The following ZFHX4 variants were observed in gnomAD, a reference collection of about 807,000 sequenced individuals.
ZFHX4 encodes the protein zinc finger homeobox protein 4.
In ZFHX4, 56 loss-of-function variants were observed where a neutral mutation model predicts 267.6. That is an observed-to-expected ratio of 0.21 (90% confidence interval 0.17 to 0.26). The LOEUF is 0.26. Among genes scored for constraint, ZFHX4 ranks in the 10% least tolerant of loss-of-function variants. ZFHX4 has a pLI of 1.00. For missense variants in ZFHX4, 4,332 were observed against 4,420.0 expected, an observed-to-expected ratio of 0.98 and a Z score of 0.56; for synonymous variants, 1,778 against 1,665.6, an observed-to-expected ratio of 1.07 and a Z score of -1.64.
intron 3 of ZFHX4, among the ~76,000 whole-genome samples, chr8:76,760,469 C>T (rs1349391674): frequency 2.6e-5 from 4 of 152,082 alleles, no homozygotes; most frequent in Non-Finnish European, 5.9e-5. Flanking sequence ...GAGACAAATA[C>T]TTAAAATCAC....
chr8:76,787,667 G>A (rs1746706462), intron 4 of ZFHX4, among the ~76,000 whole-genome samples: 1 of 146,068 alleles, frequency 6.8e-6, no homozygotes, highest in South Asian at 2.2e-4. Context: ...AAAAAAATTA[G>A]CCGGGCATGG....
intron 1 of ZFHX4, among the ~76,000 whole-genome samples, chr8:76,699,389 GA>G (rs1026767472): frequency 6.6e-6 from 1 of 151,926 alleles, no homozygotes; most frequent in Non-Finnish European, 1.5e-5. Context: ...TACTGCAGTG[GA>G]GAAAAAGTTA....
intron 4 of ZFHX4, among the ~76,000 whole-genome samples, chr8:76,788,921 C>T (rs1420627526): frequency 1.3e-5 from 2 of 152,204 alleles, no homozygotes; most frequent in Non-Finnish European, 2.9e-5. Context: ...ATACTGTCAA[C>T]ATTGCCTTGA....
intron 3 of ZFHX4, among the ~76,000 whole-genome samples, chr8:76,727,259 C>G (rs1808877344): frequency 6.6e-6 from 1 of 152,056 alleles, no homozygotes; most frequent in Non-Finnish European, 1.5e-5. Flanking sequence ...AAACAAAGAG[C>G]TCTTGGGGCC....
intron 3 of ZFHX4, among the ~76,000 whole-genome samples, chr8:76,762,629 C>T (rs1809945514): frequency 6.6e-6 from 1 of 152,170 alleles, no homozygotes; most frequent in African/African-American, 2.4e-5. Context: ...AATTATTACA[C>T]TACTCGTCAC....
chr8:76,799,602 C>G (rs1352704723), intron 4 of ZFHX4, among the ~76,000 whole-genome samples: 1 of 152,146 alleles, frequency 6.6e-6, no homozygotes, highest in African/African-American at 2.4e-5. Context: ...ATCTGTTTCA[C>G]TAGTCTAAGA....
intron 3 of ZFHX4, among the ~76,000 whole-genome samples, chr8:76,743,608 A>G (rs1169778726): frequency 6.6e-6 from 1 of 152,210 alleles, no homozygotes; most frequent in Non-Finnish European, 1.5e-5. Flanking sequence ...GTCACAGCCT[A>G]TTTTAACTGT....
At chr8:76,777,489 A>T (rs1810429012) in intron 3 of ZFHX4, among the ~76,000 whole-genome samples, 1 of 152,216 alleles carries the variant, frequency 6.6e-6, no homozygotes, top group African/African-American at 2.4e-5. Flanking sequence ...TTTTTAGTGT[A>T]TCTAACATAT....
Position 76,772,796 on chromosome 8 carries a change from C to T in ZFHX4, c.3094-5412C>T, listed in dbSNP as rs1308571545. On this transcript the variant is annotated intron_variant, in intron 3 of 10. Coordinates refer to ENST00000651372, the MANE Select transcript of ZFHX4 (RefSeq NM_024721.5). ...TTCCTTTAGTGCATTAGACACTGTG[C>T]ACTGCTCTTGCCACACTTGCTCTTG... 2.0e-5 allele frequency among the ~76,000 whole-genome samples: 3 copies of T among 152,134 alleles called. No individual in the cohort carries two copies. In the East Asian group the frequency reaches 5.8e-4, roughly 29 times the overall value.
At chr8:76,751,946 G>C (rs1157350629) in intron 3 of ZFHX4, among the ~76,000 whole-genome samples, 1 of 152,070 alleles carries the variant, frequency 6.6e-6, no homozygotes. Flanking sequence ...TGCTAGAAAG[G>C]ATAATGCTGA....
At chr8:76,749,037 C>A (rs2131702184) in intron 3 of ZFHX4, among the ~76,000 whole-genome samples, 1 of 152,202 alleles carries the variant, frequency 6.6e-6, no homozygotes, top group African/African-American at 2.4e-5. Flanking sequence ...GGGGAAAAAA[C>A]AGTAAAATGA....
chr8:76,863,420 A>ACAC lies in ZFHX4; in HGVS notation c.9707_9709dup (p.Thr3236_His3237insPro), dbSNP rs745720419. The stretch of plus-strand genomic sequence containing the variant: ...AGTGTTGGGCAAAGTTGTAGGTGAA[A>ACAC]CACATGTCGATCCTATTCAGTTGCA... On this transcript the variant is annotated inframe_insertion, in exon 11 of 11. Coordinates refer to ENST00000651372, the MANE Select transcript of ZFHX4 (RefSeq NM_024721.5). The ACAC allele has an allele frequency of 1.4e-5, 22 of 1,613,998 alleles. No homozygotes were observed. In the South Asian group the frequency reaches 2.2e-4, roughly 16 times the overall value.
intron 3 of ZFHX4, among the ~76,000 whole-genome samples, chr8:76,726,303 T>G (rs1228692110): frequency 6.6e-6 from 1 of 152,206 alleles, no homozygotes; most frequent in Non-Finnish European, 1.5e-5. Context: ...TTTTCTTTAT[T>G]TGTGTTGTTT....
At chr8:76,722,021 G>A (rs1314375220) in intron 3 of ZFHX4, among the ~76,000 whole-genome samples, 1 of 151,848 alleles carries the variant, frequency 6.6e-6, no homozygotes, top group Non-Finnish European at 1.5e-5. Flanking sequence ...GATGTTGAAA[G>A]TCTTACTATT....
chr8:76,773,273 G>A (rs1026763087), intron 3 of ZFHX4, among the ~76,000 whole-genome samples: 2 of 152,082 alleles, frequency 1.3e-5, no homozygotes, highest in Non-Finnish European at 2.9e-5. Flanking sequence ...TCAGACTATA[G>A]TCAGATATAT....
intron 1 of ZFHX4, among the ~76,000 whole-genome samples, chr8:76,684,938 A>C (rs917906637): frequency 6.6e-6 from 1 of 152,228 alleles, no homozygotes; most frequent in African/African-American, 2.4e-5. Context: ...AAATTTGATT[A>C]TCTCTAATAA....
At chr8:76,722,524 T>C (rs1375863109) in intron 3 of ZFHX4, among the ~76,000 whole-genome samples, 1 of 151,928 alleles carries the variant, frequency 6.6e-6, no homozygotes, top group Non-Finnish European at 1.5e-5. Context: ...TGCCTATATC[T>C]TTCTGTAACT....
At position 76,861,984 on chromosome 8, in the gene ZFHX4, C is replaced by A. The variant is rs115873746; in HGVS notation, c.9380-1110C>A. On this transcript the variant is annotated intron_variant, in intron 10 of 10. Coordinates refer to ENST00000651372, the MANE Select transcript of ZFHX4 (RefSeq NM_024721.5). ...ATTTGGTAGTGAGCCTTCCCTTGTT[C>A]AAGAATGAATTACTGTCAGCCAGCC... Among the ~76,000 whole-genome samples the A allele has an allele frequency of 7.6e-3, 1,153 of 152,120 alleles. 11 individuals carry two copies. Among genetic ancestry groups the A allele is most frequent in the African/African-American group, 0.027 (1,113 of 41,512 alleles).
chr8:76,727,991 G>A (rs1808898376), intron 3 of ZFHX4, among the ~76,000 whole-genome samples: 1 of 152,072 alleles, frequency 6.6e-6, no homozygotes, highest in Non-Finnish European at 1.5e-5. Context: ...AACCCTTTGG[G>A]GGACTTGAGC....
Sources: gnomAD v4.1 joint callset for allele counts (sites outside exome capture counted in the v4.1 genomes callset) on GRCh38, gnomAD v4.1.1 for gene constraint, MANE v1.5 for transcripts, NCBI Gene and HGNC (gene_info 2026-07-23, HGNC 2026-07-21) for gene names.